The following RAD51D variants were observed in gnomAD, a reference collection of about 807,000 sequenced individuals.
The protein encoded by RAD51D is RAD51 paralog D.
A neutral mutation model predicts 44.1 loss-of-function variants in RAD51D; 38 were observed. That is an observed-to-expected ratio of 0.86 (90% confidence interval 0.67 to 1.13). The LOEUF (loss-of-function observed/expected upper bound fraction) is 1.13. RAD51D is among the 50% of genes most tolerant of loss of function. RAD51D has a pLI of 0.00. For synonymous variants in RAD51D, 141 were observed against 166.6 expected, an observed-to-expected ratio of 0.85 and a Z score of 1.18; for missense variants, 390 against 414.0, an observed-to-expected ratio of 0.94 and a Z score of 0.50.
Position 35,111,144 on chromosome 17 carries a change from C to T in RAD51D, c.264-3697G>A, listed in dbSNP as rs544227759. 6.0e-5 allele frequency among the ~76,000 whole-genome samples: 9 copies of T among 149,804 alleles called. No homozygotes were observed. The South Asian group carries it at 1.7e-3, about 28-fold the overall frequency. ...CTGTAATCCCAGCACTTTGGGAGTC[C>T]GAGGCGGGTGGATCACCTGAGGTCA... On this transcript the variant is annotated intron_variant, in intron 3 of 9. Transcript: ENST00000345365.
chr17:35,118,768 GGTC>G (rs2091781310), intron 2 of RAD51D, 149 bp from the exon 3 acceptor site: 1 of 735,572 alleles, frequency 1.4e-6, no homozygotes, highest in Non-Finnish European at 2.4e-6. Context: ...TTTCAGACAG[GGTC>G]TCACTCTGTC....
chr17:35,107,816 G>A lies in RAD51D; in HGVS notation c.264-369C>T, dbSNP rs1181678732. ...GGCCGGAGTGCTGGAGTGCAGTGGC[G>A]TGATCTCTACTCACTGCAACCTCCA... is the stretch of plus-strand genomic sequence containing the variant. On this transcript the variant is annotated intron_variant, in intron 3 of 9. Coordinates refer to ENST00000345365, the MANE Select transcript of RAD51D (RefSeq NM_002878.4). Among the ~76,000 whole-genome samples the A allele has an allele frequency of 3.5e-5, 5 of 144,790 alleles. No individual in the cohort carries two copies. The Admixed American group carries it at 3.5e-4, about 10-fold the overall frequency. 95.0% of individuals were successfully genotyped at this position (144,790 alleles called of 152,430 possible). A position where few individuals can be genotyped will look rare whatever the true frequency, so the allele number is the denominator to read the frequency against.
Position 35,119,602 on chromosome 17 carries a change from G to C in RAD51D, c.12C>G (p.Leu4=), listed in dbSNP as rs786203193. The C allele has an allele frequency of 1.2e-5, 20 of 1,611,700 alleles. No individual in the cohort carries two copies. Among genetic ancestry groups the C allele is most frequent in the Non-Finnish European group, 1.6e-5 (19 of 1,179,960 alleles). MGV[L]RVGLCPGLTE... ...TAAGGCCAGGGCACAGTCCGACCCT[G>C]AGCACGCCCATGTTCCCCGCAGGCC... Residue 4 remains leucine (L), a synonymous_variant, in exon 1 of 10, where the codon CTC becomes CTG. Transcript: ENST00000345365.
chr17:35,101,000 A>T lies in RAD51D; in HGVS notation c.940T>A (p.Trp314Arg), dbSNP rs587781878. 1 of 1,613,818 alleles carries T rather than the reference A, an allele frequency of 6.2e-7. No homozygotes were observed. Among genetic ancestry groups the T allele is most frequent in the Admixed American group, 1.7e-5 (1 of 59,996 alleles). Residue 314 changes from tryptophan (W) to arginine (R), a missense_variant, in exon 10 of 10, where the codon TGG becomes AGG. Transcript: ENST00000345365. The stretch of plus-strand genomic sequence containing the variant: ...GTGGCACTCTGCTCTGAGGTCCCCC[A>T]GGTCCCAATGTCTACCATCTCCTGG... ...GFQEMVDIGT[W>R]GTSEQSATLQ...
chr17:35,100,981 C>A lies in RAD51D; in HGVS notation c.959G>T (p.Ser320Ile), dbSNP rs763683070. The A allele has an allele frequency of 6.2e-7, 1 of 1,613,790 alleles. No individual in the cohort carries two copies. Among genetic ancestry groups the A allele is most frequent in the Non-Finnish European group, 8.5e-7 (1 of 1,179,702 alleles). ...TGTCTGATCACCCTGTAATGTGGCA[C>A]TCTGCTCTGAGGTCCCCCAGGTCCC... ...DIGTWGTSEQ[S>I]ATLQGDQT The change falls in exon 10 of 10, where the codon AGT (serine) becomes ATT (isoleucine). Residue 320 changes from serine (S) to isoleucine (I), a missense_variant. Transcript: ENST00000345365.
At chr17:35,108,785 T>A (rs182527747) in intron 3 of RAD51D, among the ~76,000 whole-genome samples, 3 of 152,044 alleles carry the variant, frequency 2.0e-5, no homozygotes, top group Admixed American at 2.0e-4. Flanking sequence ...CAACCACTAA[T>A]CTCTATTATG....
rs1009235466 is a variant in RAD51D at position 35,093,987 on chromosome 17, T to C, written c.*6966A>G. 6.6e-6 allele frequency: 1 copy of C among 152,144 alleles called. No homozygotes were observed. The highest frequency in any genetic ancestry group is 2.4e-5 in the African/African-American group (1 of 41,432). The allele number at this position is 152,144 out of a possible 1,614,324, so 9.4% of individuals were successfully genotyped here. A position where few individuals can be genotyped will look rare whatever the true frequency, so the allele number is the denominator to read the frequency against. On this transcript the variant is annotated 3_prime_UTR_variant, in exon 10 of 10. Transcript: ENST00000345365. ...GCATGGCCCCTGAAATAAATTAAAA[T>C]ATAAATAAATCCTGCCCAGACAACT...
intron 3 of RAD51D, among the ~76,000 whole-genome samples, chr17:35,111,743 A>G (rs957805529): frequency 2.6e-5 from 4 of 152,084 alleles, no homozygotes; most frequent in Non-Finnish European, 5.9e-5. Flanking sequence ...CTTTTTCCAA[A>G]TTGTTTTAGC....
In RAD51D at chr17:35,119,542, C is replaced by A. The variant is rs28363257; in HGVS notation, c.72G>T (p.Arg24Ser). ...CGCACACCCGGTCACCTGTCTTGAT[C>A]CTGTGGCTCCTGAGAAGCTGGATCA... ...EEMIQLLRSH[R>S]IKTVVDLVSA... is the part of the protein sequence containing the mutation. Residue 24 changes from arginine to serine, a missense_variant, in exon 1 of 10, where the codon AGG (arginine) becomes AGT (serine). Transcript: ENST00000345365. 1.2e-6 allele frequency: 2 copies of A among 1,612,304 alleles called. No individual in the cohort carries two copies. The highest frequency in any genetic ancestry group is 4.5e-5 in the East Asian group (2 of 44,872).
rs183881878 is a variant in RAD51D, at chr17:35,103,642, C to T, written c.577-98G>A. 30 of 870,724 alleles carry T rather than the reference C, an allele frequency of 3.4e-5. No homozygotes were observed. The highest frequency in any genetic ancestry group is 5.0e-5 in the African/African-American group (3 of 60,138). The allele number at this position is 870,724 out of a possible 1,614,324, so 53.9% of individuals were successfully genotyped here. A position where few individuals can be genotyped will look rare whatever the true frequency, so the allele number is the denominator to read the frequency against. ...CTATCTAAAACTAGTAAGAAATAGCCCCCCCATCCCAAATACAGCAAGCTG... is the reference window on the plus strand; with the variant it reads ...CTATCTAAAACTAGTAAGAAATAGCTCCCCCATCCCAAATACAGCAAGCTG... On this transcript the variant is annotated intron_variant, in intron 6 of 9. Transcript: ENST00000345365. The surrounding 1 kb of genome is among the most constrained non-coding windows in gnomAD (Gnocchi z 4.1).
Position 35,096,753 on chromosome 17 carries a change from T to TG in RAD51D, c.*4199dup, listed in dbSNP as rs2091488299. The TG allele has an allele frequency of 6.6e-6, 1 of 152,204 alleles. No homozygotes were observed. Among genetic ancestry groups the TG allele is most frequent in the Admixed American group, 6.5e-5 (1 of 15,272 alleles). The allele number at this position is 152,204 out of a possible 1,614,324, so 9.4% of individuals were successfully genotyped here. A position where few individuals can be genotyped will look rare whatever the true frequency, so the allele number is the denominator to read the frequency against. ...GCACACACCTGTAGTCCCAGCTACT[T>TG]GGGAGACTGAAGTGGGAGGATCACT... is the stretch of plus-strand genomic sequence containing the variant. On this transcript the variant is annotated 3_prime_UTR_variant, in exon 10 of 10. Coordinates refer to ENST00000345365, the MANE Select transcript of RAD51D (RefSeq NM_002878.4).
rs2091558468 is a variant in RAD51D at position 35,103,143 on chromosome 17, T to C, written c.738+111A>G. On this transcript the variant is annotated intron_variant, in intron 8 of 9. Coordinates refer to ENST00000345365, the MANE Select transcript of RAD51D (RefSeq NM_002878.4). This position sits in a 1 kb window ranked among gnomAD's most constrained non-coding sequence, Gnocchi z 4.1. ...TGTAGCTGACCCAGGGAAGCTGGGATATGTCCCTTTCCTAAAGGGCCACTT... is the reference window on the plus strand; with the variant it reads ...TGTAGCTGACCCAGGGAAGCTGGGACATGTCCCTTTCCTAAAGGGCCACTT... 73 of 992,802 alleles carry C rather than the reference T, an allele frequency of 7.4e-5. 1 individual carries two copies. The South Asian group carries it at 9.7e-4, about 13-fold the overall frequency. The allele number at this position is 992,802 out of a possible 1,614,324, so 61.5% of individuals were successfully genotyped here.
intron 3 of RAD51D, among the ~76,000 whole-genome samples, chr17:35,117,997 A>C (rs1338993516): frequency 6.6e-6 from 1 of 152,236 alleles, no homozygotes; most frequent in Non-Finnish European, 1.5e-5. Context: ...TAATGCCTGC[A>C]CATAGTAGGC....
chr17:35,108,563 TAC>T (rs1276584429), intron 3 of RAD51D, among the ~76,000 whole-genome samples: 1 of 149,558 alleles, frequency 6.7e-6, no homozygotes, highest in East Asian at 2.0e-4. Flanking sequence ...CTGATGTTGG[TAC>T]TATCCACAGA....
At chr17:35,101,452 A>G (rs2142413248) in intron 8 of RAD51D, 87 bp from the exon 9 acceptor site, 1 of 1,428,634 alleles carries the variant, frequency 7.0e-7, no homozygotes. Context: ...AGGAAAACAG[A>G]GGCCTAGCAC....
At chr17:35,113,740 G>A (rs1374372329) in intron 3 of RAD51D, among the ~76,000 whole-genome samples, 1 of 152,070 alleles carries the variant, frequency 6.6e-6, no homozygotes, top group Non-Finnish European at 1.5e-5. Context: ...TCTTCCCATT[G>A]AGATCAGAGG....
In RAD51D at chr17:35,119,404, G is replaced by A. The variant is rs28363258; in HGVS notation, c.82+128C>T. On this transcript the variant is annotated intron_variant, in intron 1 of 9. Transcript: ENST00000345365. ...CGCCCACCCTTCCTGAGCCTCTCCA[G>A]AAGCGCGGCCCTCTAGGAATGGAGG... The A allele has an allele frequency of 0.016, 18,690 of 1,165,452 alleles. 191 individuals are homozygous for A. Among genetic ancestry groups the A allele is most frequent in the Non-Finnish European group, 0.02 (15,909 of 786,010 alleles). The allele number at this position is 1,165,452 out of a possible 1,614,324, so 72.2% of individuals were successfully genotyped here.
At position 35,100,354 on chromosome 17, in the gene RAD51D, C is replaced by T. The variant is rs959471390; in HGVS notation, c.*599G>A. 7.5e-6 allele frequency: 4 copies of T among 534,264 alleles called. No individual in the cohort carries two copies. The Admixed American group carries it at 8.9e-5, about 12-fold the overall frequency. The allele number at this position is 534,264 out of a possible 1,614,324, so 33.1% of individuals were successfully genotyped here. On this transcript the variant is annotated 3_prime_UTR_variant, in exon 10 of 10. Coordinates refer to ENST00000345365, the MANE Select transcript of RAD51D (RefSeq NM_002878.4). ...CTGGGGGAAACTGAAAAACAGCCTT[C>T]TAAGGGGAAATCAGGTGGCTCTAGG...
intron 3 of RAD51D, among the ~76,000 whole-genome samples, chr17:35,116,015 C>G (rs1453666158): frequency 3.7e-5 from 2 of 53,890 alleles, no homozygotes; most frequent in Non-Finnish European, 7.6e-5. Flanking sequence ...GAAAGAAAGG[C>G]TAGAAACCTG....
Sources: allele counts gnomAD v4.1 joint callset (sites outside exome capture counted in the v4.1 genomes callset), GRCh38; gene constraint gnomAD v4.1.1; non-coding constraint Gnocchi (gnomAD v3.1); transcripts MANE v1.5; gene names NCBI Gene and HGNC (gene_info 2026-07-23, HGNC 2026-07-21).